The following PMM2 variants were observed in gnomAD, a reference collection of about 807,000 sequenced individuals.
PMM2 encodes the protein phosphomannomutase 2, also known as mannose-6-phosphate isomerase.
PMM2 carries 35 observed loss-of-function variants against 33.2 expected under a neutral mutation model. The ratio of observed to expected loss-of-function variants is 1.06; its 90% CI spans 0.81 to 1.40. The LOEUF (loss-of-function observed/expected upper bound fraction) is 1.40, where lower values mean the gene tolerates loss of function less well. PMM2 is among the 40% of genes most tolerant of loss of function. The pLI is 0.00. For missense variants in PMM2, 386 were observed against 306.0 expected (o/e 1.26, Z -1.95); for synonymous variants, 153 against 114.7 (o/e 1.33, Z -2.13).
At chr16:8,803,238 A>G (rs1275286840) in intron 2 of PMM2, among the ~76,000 whole-genome samples, 6 of 152,200 alleles carry the variant, frequency 3.9e-5, no homozygotes, top group African/African-American at 1.4e-4. Context: ...TAATCTCTGC[A>G]ATCTCTTTAA....
intron 1 of PMM2, among the ~76,000 whole-genome samples, chr16:8,800,360 CAAAA>C (rs5815496): frequency 4.7e-5 from 6 of 128,394 alleles, no homozygotes; most frequent in Non-Finnish European, 6.7e-5. Flanking sequence ...GACTTCGTGT[CAAAA>C]AAAAAAAAAA....
chr16:8,814,531 C>T (rs1041787940), intron 7 of PMM2, among the ~76,000 whole-genome samples: 4 of 152,222 alleles, frequency 2.6e-5, no homozygotes, highest in African/African-American at 7.2e-5. Flanking sequence ...AGGGTCCCCA[C>T]GTCACAGTCT....
intron 7 of PMM2, among the ~76,000 whole-genome samples, chr16:8,847,209 A>G (rs1458759742): frequency 6.6e-6 from 1 of 152,130 alleles, no homozygotes; most frequent in East Asian, 1.9e-4. Context: ...GAGTTCCTCC[A>G]TTGCATTGGC....
At position 8,811,765 on chromosome 16, in the gene PMM2, T is replaced by A. The variant is rs112454015; in HGVS notation, c.523+52T>A. Reference sequence around the variant, plus strand: ...AACTTGGATACCCATTTCCCAGAGTTTGTTGTGGGCCAGTGAGCTATTGAT... The same window carrying A: ...AACTTGGATACCCATTTCCCAGAGTATGTTGTGGGCCAGTGAGCTATTGAT... On this transcript the variant is annotated intron_variant, in intron 6 of 7. Coordinates refer to ENST00000268261, the MANE Select transcript of PMM2 (RefSeq NM_000303.3). The A allele has an allele frequency of 1.2e-3, 1,442 of 1,227,700 alleles. 22 individuals are homozygous for A. In the African/African-American group the frequency reaches 0.019, roughly 16 times the overall value. 76.1% of individuals were successfully genotyped at this position (1,227,700 alleles called of 1,614,324 possible).
intron 7 of PMM2, among the ~76,000 whole-genome samples, chr16:8,846,017 G>C (rs2060923515): frequency 1.3e-5 from 2 of 152,012 alleles, no homozygotes; most frequent in South Asian, 4.1e-4. Flanking sequence ...ATGCAATTCA[G>C]GTCTGTCTGA....
chr16:8,837,778 C>T (rs970323772), intron 7 of PMM2, among the ~76,000 whole-genome samples: 5 of 151,980 alleles, frequency 3.3e-5, no homozygotes, highest in East Asian at 3.9e-4. Flanking sequence ...CCAAGGCAGG[C>T]GTCCCTGCAT....
intron 7 of PMM2, among the ~76,000 whole-genome samples, chr16:8,844,545 T>G (rs2060912005): frequency 6.6e-6 from 1 of 152,056 alleles, no homozygotes; most frequent in Non-Finnish European, 1.5e-5. Context: ...AAGAAGGGGT[T>G]GGGGTCCTTG....
At position 8,848,358 on chromosome 16, in the gene PMM2, G is replaced by A. The variant is rs983901951; in HGVS notation, c.*533G>A. ...CCCGCCTGCATGTCACCTTGATGGG[G>A]GCTGTGAGTGGGGCAGTGTGATACC... On this transcript the variant is annotated 3_prime_UTR_variant, in exon 8 of 8. Coordinates refer to ENST00000268261, the MANE Select transcript of PMM2 (RefSeq NM_000303.3). 23 of 187,740 alleles carry A rather than the reference G, an allele frequency of 1.2e-4. No individual in the cohort carries two copies. The highest frequency in any genetic ancestry group is 4.3e-4 in the Admixed American group (8 of 18,770). The allele number at this position is 187,740 out of a possible 1,614,324, so 11.6% of individuals were successfully genotyped here.
At chr16:8,839,288 C>A (rs1184494839) in intron 7 of PMM2, among the ~76,000 whole-genome samples, 1 of 151,794 alleles carries the variant, frequency 6.6e-6, no homozygotes, top group African/African-American at 2.4e-5. Context: ...GGTAAAGGAT[C>A]CACAGAGGAA....
intron 2 of PMM2, among the ~76,000 whole-genome samples, chr16:8,802,542 G>A (rs1223301216): frequency 6.6e-6 from 1 of 152,114 alleles, no homozygotes; most frequent in Non-Finnish European, 1.5e-5. Flanking sequence ...GAAATTGTAA[G>A]TGGATGCCAG....
intron 3 of PMM2, 71 bp from the exon 4 acceptor site, chr16:8,806,245 T>C (rs2060647019): frequency 6.2e-6 from 6 of 973,742 alleles, no homozygotes; most frequent in Non-Finnish European, 1.0e-5. Flanking sequence ...CTGAAGACCC[T>C]GGGTTTGCTA....
Position 8,804,817 on chromosome 16 carries a change from A to G in PMM2, c.229A>G (p.Lys77Glu). 2 of 1,612,192 alleles carry G rather than the reference A, an allele frequency of 1.2e-6. No individual in the cohort carries two copies. The highest frequency in any genetic ancestry group is 1.7e-6 in the Non-Finnish European group (2 of 1,178,210). Residue 77 changes from lysine to glutamate, a missense_variant, in exon 3 of 8, where the codon AAA becomes GAA. Coordinates refer to ENST00000268261, the MANE Select transcript of PMM2 (RefSeq NM_000303.3). ...VFPENGLVAY[K>E]DGKLLCRQNI... is the part of the protein sequence containing the mutation. Reference sequence around the variant, plus strand: ...TCCAGAAAATGGCTTGGTAGCATACAAAGATGGGAAACTCTTGTGTAGACA... The same window carrying G: ...TCCAGAAAATGGCTTGGTAGCATACGAAGATGGGAAACTCTTGTGTAGACA...
intron 7 of PMM2, among the ~76,000 whole-genome samples, chr16:8,816,540 G>T (rs928571661): frequency 6.6e-6 from 1 of 151,206 alleles, no homozygotes; most frequent in Non-Finnish European, 1.5e-5. Context: ...CAGGAGTTCC[G>T]AGACCAGCCT....
intron 7 of PMM2, among the ~76,000 whole-genome samples, chr16:8,834,428 G>T (rs2060830431): frequency 6.6e-6 from 1 of 151,908 alleles, no homozygotes; most frequent in African/African-American, 2.4e-5. Context: ...AGAAATGACT[G>T]CGGTGGCCTT....
At chr16:8,842,818 G>C (rs190201245) in intron 7 of PMM2, among the ~76,000 whole-genome samples, 25 of 152,158 alleles carry the variant, frequency 1.6e-4, no homozygotes, top group Admixed American at 6.5e-5. Context: ...CTTTTAAAGC[G>C]TGCTGTGGGA....
At chr16:8,799,383 T>A (rs564530081) in intron 1 of PMM2, among the ~76,000 whole-genome samples, 1 of 152,286 alleles carries the variant, frequency 6.6e-6, no homozygotes, top group African/African-American at 2.4e-5. Context: ...AGTGAAGAAC[T>A]AACCTCCTCA....
intron 1 of PMM2, among the ~76,000 whole-genome samples, chr16:8,801,089 T>C (rs889005337): frequency 1.4e-4 from 21 of 152,252 alleles, no homozygotes; most frequent in African/African-American, 4.8e-4. Flanking sequence ...GAGCTAGATC[T>C]GTGTTGGCAT....
intron 7 of PMM2, among the ~76,000 whole-genome samples, chr16:8,828,619 A>G (rs1191908398): frequency 1.3e-5 from 2 of 152,126 alleles, no homozygotes; most frequent in Admixed American, 6.6e-5. Context: ...CATGGTCCCA[A>G]AGTCAAGTTT....
At chr16:8,800,550 C>G (rs1343307392) in intron 1 of PMM2, among the ~76,000 whole-genome samples, 1 of 152,110 alleles carries the variant, frequency 6.6e-6, no homozygotes, top group Non-Finnish European at 1.5e-5. Context: ...ACTAAGACCA[C>G]TCTTTCTAGA....
Sources: gnomAD v4.1 joint callset for allele counts (sites outside exome capture counted in the v4.1 genomes callset) on GRCh38, gnomAD v4.1.1 for gene constraint, MANE v1.5 for transcripts, NCBI Gene and HGNC (gene_info 2026-07-23, HGNC 2026-07-21) for gene names.